Variants in TASP1 observed in about 807,000 individuals in gnomAD.
TASP1 encodes taspase 1.
In TASP1, 16 loss-of-function variants were observed where a neutral mutation model predicts 56.6. That is an observed-to-expected ratio of 0.28 (90% CI 0.19 to 0.43). The LOEUF (loss-of-function observed/expected upper bound fraction) is 0.43, where lower values mean the gene tolerates loss of function less well. Among genes scored for constraint, TASP1 ranks in the 20% least tolerant of loss-of-function variants. The pLI is 1.00. For missense variants in TASP1, 393 were observed against 511.6 expected (o/e 0.77, Z 2.24); for synonymous variants, 179 against 184.2 (o/e 0.97, Z 0.23).
chr20:13,576,394 A>T (rs6042221), intron 6 of TASP1, among the ~76,000 whole-genome samples: 2,290 of 147,046 alleles, frequency 0.016, 12 homozygotes, highest in Middle Eastern at 0.038. Context: ...AGAAAGAAAG[A>T]AAGTCAGTCT....
At position 13,623,449 on chromosome 20, in the gene TASP1, A is replaced by T; in HGVS notation, c.279T>A (p.Leu93=). Reference sequence around the variant, plus strand: ...ATAAAACAGAGAAAAGAAATACCTCAAGTTCCACCAGTGCTGCAGTGACTG... The same window carrying T: ...ATAAAACAGAGAAAAGAAATACCTCTAGTTCCACCAGTGCTGCAGTGACTG... ...TDAVTAALVE[L]EDSPFTNAGM... Residue 93 remains leucine (L), a synonymous_variant, in exon 4 of 14, where the codon CTT becomes CTA. Transcript: ENST00000337743. 6.2e-7 allele frequency: 1 copy of T among 1,603,102 alleles called. No individual in the cohort carries two copies. Among genetic ancestry groups the T allele is most frequent in the Non-Finnish European group, 8.5e-7 (1 of 1,171,986 alleles).
At chr20:13,338,376 T>C in the TASP1 span, among the ~76,000 whole-genome samples, 1 of 152,212 alleles carries the variant, frequency 6.6e-6, no homozygotes, top group Non-Finnish European at 1.5e-5. Flanking sequence ...TTTGGCCAGC[T>C]TCTTCACCAC....
At chr20:13,537,413 G>A (rs1239579255) in intron 8 of TASP1, among the ~76,000 whole-genome samples, 1 of 152,172 alleles carries the variant, frequency 6.6e-6, no homozygotes, top group Non-Finnish European at 1.5e-5. Context: ...TAAGGATGAT[G>A]AAGTAATATT....
intron 6 of TASP1, among the ~76,000 whole-genome samples, chr20:13,577,501 G>A (rs187812162): frequency 4.3e-4 from 66 of 152,290 alleles, no homozygotes; most frequent in African/African-American, 1.5e-3. Context: ...AGCCCTCAGT[G>A]TGATAATATT....
the TASP1 span, among the ~76,000 whole-genome samples, chr20:13,265,405 C>A: frequency 1.3e-5 from 2 of 152,156 alleles, no homozygotes; most frequent in African/African-American, 4.8e-5. Context: ...TCATGAGTAT[C>A]CTTATGGATT....
At chr20:13,578,818 T>C (rs544145304) in intron 6 of TASP1, among the ~76,000 whole-genome samples, 226 of 152,348 alleles carry the variant, frequency 1.5e-3, no homozygotes, top group African/African-American at 5.2e-3. Flanking sequence ...TTTATCCATA[T>C]CTACATCAAC....
At chr20:13,461,988 G>A (rs2044071313) in intron 11 of TASP1, among the ~76,000 whole-genome samples, 1 of 152,148 alleles carries the variant, frequency 6.6e-6, no homozygotes. Flanking sequence ...CAGTGTCTCT[G>A]TAACTAGAGG....
the TASP1 span, among the ~76,000 whole-genome samples, chr20:13,283,832 T>C: frequency 1.3e-5 from 2 of 152,252 alleles, no homozygotes; most frequent in Non-Finnish European, 1.5e-5. Context: ...GTCATAACCC[T>C]ATTTTAATAG....
the TASP1 span, chr20:13,167,170 TAGG>T: frequency 6.6e-6 from 1 of 152,292 alleles, no homozygotes; most frequent in Admixed American, 6.5e-5. Flanking sequence ...TAAGGTTAAT[TAGG>T]AGGGTGATTG....
intron 10 of TASP1, among the ~76,000 whole-genome samples, chr20:13,489,301 G>A (rs1005049208): frequency 6.6e-6 from 1 of 152,166 alleles, no homozygotes; most frequent in Non-Finnish European, 1.5e-5. Context: ...TCCCTGGCCA[G>A]AAAGAGCTAC....
intron 4 of TASP1, chr20:13,614,577 C>G (rs754132949): frequency 1.6e-5 from 3 of 184,136 alleles, no homozygotes; most frequent in Non-Finnish European, 3.5e-5. Flanking sequence ...CAAAAAGGCA[C>G]TGCACATCTG....
chr20:13,228,186 T>C, the TASP1 span, among the ~76,000 whole-genome samples: 30 of 151,936 alleles, frequency 2.0e-4, no homozygotes, highest in African/African-American at 6.8e-4. Context: ...TTGGCCAGGC[T>C]GGTCTCGAAC....
chr20:13,579,922 A>T (rs764365514), intron 6 of TASP1, among the ~76,000 whole-genome samples: 1 of 152,244 alleles, frequency 6.6e-6, no homozygotes, highest in Non-Finnish European at 1.5e-5. Flanking sequence ...TTCAAAACAC[A>T]GTAGAATCAA....
At chr20:13,443,514 C>G (rs950499720) in intron 11 of TASP1, among the ~76,000 whole-genome samples, 4 of 152,150 alleles carry the variant, frequency 2.6e-5, no homozygotes, top group African/African-American at 7.2e-5. Context: ...ATAATCTCAA[C>G]TAGATCCCTT....
At chr20:13,614,845 A>C (rs2048466296) in intron 4 of TASP1, 1 of 470,234 alleles carries the variant, frequency 2.1e-6, no homozygotes, top group Admixed American at 2.4e-5. Context: ...TAGTTAGCAC[A>C]CACAGTACCT....
chr20:13,541,476 C>T (rs2045619838), intron 8 of TASP1, among the ~76,000 whole-genome samples: 1 of 152,102 alleles, frequency 6.6e-6, no homozygotes, highest in African/African-American at 2.4e-5. Context: ...ACAACCTGTC[C>T]TCCTTCTGCA....
intron 13 of TASP1, among the ~76,000 whole-genome samples, chr20:13,396,189 T>C (rs2041529325): frequency 6.6e-6 from 1 of 152,170 alleles, no homozygotes; most frequent in Non-Finnish European, 1.5e-5. Context: ...CCCTATCCTT[T>C]TCCCAGAAGT....
At chr20:13,463,380 G>A (rs1481718830) in intron 11 of TASP1, among the ~76,000 whole-genome samples, 1 of 152,020 alleles carries the variant, frequency 6.6e-6, no homozygotes, top group East Asian at 1.9e-4. Context: ...ATGAATCAAA[G>A]ATCTAAATGT....
chr20:13,164,056 C>T, the TASP1 span, among the ~76,000 whole-genome samples: 5 of 152,014 alleles, frequency 3.3e-5, no homozygotes, highest in South Asian at 2.1e-4. Context: ...CCTCCCCACT[C>T]CCCCCATCCC....
Sources: allele counts gnomAD v4.1 joint callset (sites outside exome capture counted in the v4.1 genomes callset), GRCh38; gene constraint gnomAD v4.1.1; transcripts MANE v1.5; gene names NCBI Gene and HGNC (gene_info 2026-07-23, HGNC 2026-07-21).